Variants in TBC1D1 observed in about 807,000 individuals in gnomAD.
TBC1D1 encodes TBC1 domain family member 1.
In TBC1D1, 89 loss-of-function variants were observed where a neutral mutation model predicts 125.6. The ratio of observed to expected loss-of-function variants is 0.71; its 90% CI spans 0.60 to 0.85. TBC1D1 has a LOEUF of 0.85. TBC1D1 is among the 40% of genes least tolerant of loss of function. The probability of loss-of-function intolerance (pLI) is 0.00; values close to 1 mark genes in which losing one functional copy is unlikely to be tolerated. For synonymous variants in TBC1D1, 565 were observed against 564.1 expected, an observed-to-expected ratio of 1.00 and a Z score of -0.02; for missense variants, 1,377 against 1,469.2, an observed-to-expected ratio of 0.94 and a Z score of 1.03.
chr4:38,004,421 G>C (rs1939069144), intron 2 of TBC1D1, among the ~76,000 whole-genome samples: 1 of 152,126 alleles, frequency 6.6e-6, no homozygotes, highest in Non-Finnish European at 1.5e-5. Context: ...TGCAAAGGTT[G>C]GGATTTATAC....
intron 15 of TBC1D1, among the ~76,000 whole-genome samples, chr4:38,106,591 A>G (rs1761332319): frequency 6.6e-6 from 1 of 152,182 alleles, no homozygotes; most frequent in South Asian, 2.1e-4. Flanking sequence ...GGAGGAATGC[A>G]GACAGCCCCG....
chr4:37,923,650 T>C (rs2152277031), intron 2 of TBC1D1, among the ~76,000 whole-genome samples: 1 of 151,210 alleles, frequency 6.6e-6, no homozygotes, highest in African/African-American at 2.4e-5. Context: ...ACTATTAAAC[T>C]ATTATTCTCC....
At chr4:38,064,478 G>C (rs1753332061) in intron 12 of TBC1D1, among the ~76,000 whole-genome samples, 1 of 152,168 alleles carries the variant, frequency 6.6e-6, no homozygotes, top group South Asian at 2.1e-4. Flanking sequence ...GGCTGAAACG[G>C]AGGCTGCCCT....
In TBC1D1 at chr4:37,977,330, C is replaced by G. The variant is rs1354998785; in HGVS notation, c.418-37179C>G. On this transcript the variant is annotated intron_variant, in intron 2 of 19. Coordinates refer to ENST00000261439, the MANE Select transcript of TBC1D1 (RefSeq NM_015173.4). This position sits in a 1 kb window ranked among gnomAD's most constrained non-coding sequence, Gnocchi z 4.3. ...TGGCCGCCCCGCGGGCGCGACCTCTCGGGGCAGTGACGAACTGGGTGGAGC... is the reference window on the plus strand; with the variant it reads ...TGGCCGCCCCGCGGGCGCGACCTCTGGGGGCAGTGACGAACTGGGTGGAGC... The G allele has an allele frequency of 2.3e-5, 4 of 173,478 alleles. No homozygotes were observed. Among genetic ancestry groups the G allele is most frequent in the African/African-American group, 1.0e-4 (4 of 40,128 alleles). The allele number at this position is 173,478 out of a possible 1,614,324, so 10.7% of individuals were successfully genotyped here.
At chr4:38,122,316 G>A (rs971582643) in intron 17 of TBC1D1, among the ~76,000 whole-genome samples, 25 of 152,198 alleles carry the variant, frequency 1.6e-4, no homozygotes, top group African/African-American at 5.8e-4. Flanking sequence ...CGACTCCTGC[G>A]GTGCTCCAGG....
At chr4:37,891,971 T>A (rs538063027) in intron 1 of TBC1D1, among the ~76,000 whole-genome samples, 1 of 152,258 alleles carries the variant, frequency 6.6e-6, no homozygotes, top group African/African-American at 2.4e-5. Flanking sequence ...TCCACCTAGA[T>A]GTGGCTTTTC....
Position 38,020,693 on chromosome 4 carries a change from C to T in TBC1D1, c.1075C>T (p.Leu359=). The change falls in exon 5 of 20, where the codon CTG becomes TTG. Residue 359 remains leucine, a splice_region_variant and synonymous_variant. Coordinates refer to ENST00000261439, the MANE Select transcript of TBC1D1 (RefSeq NM_015173.4). Reference sequence around the variant, plus strand: ...CGTGTTTCAGTGCACAAATGAGGCTCTGGTGAGAGAGGACAAGCAATTCTT... The same window carrying T: ...CGTGTTTCAGTGCACAAATGAGGCTTTGGTGAGAGAGGACAAGCAATTCTT... The T allele has an allele frequency of 6.2e-7, 1 of 1,611,366 alleles. No homozygotes were observed. Among genetic ancestry groups the T allele is most frequent in the Non-Finnish European group, 8.5e-7 (1 of 1,178,230 alleles).
chr4:37,934,802 T>A (rs1693233847), intron 2 of TBC1D1, among the ~76,000 whole-genome samples: 1 of 152,194 alleles, frequency 6.6e-6, no homozygotes, highest in Admixed American at 6.5e-5. Context: ...AGAGTGGGCG[T>A]GGTTTTGCTG....
intron 2 of TBC1D1, among the ~76,000 whole-genome samples, chr4:37,935,119 A>C (rs1724114559): frequency 6.6e-6 from 1 of 152,230 alleles, no homozygotes; most frequent in African/African-American, 2.4e-5. Context: ...TGACATTAAC[A>C]GGGTGGCAAA....
intron 2 of TBC1D1, chr4:37,952,468 G>C (rs955746483): frequency 5.4e-6 from 1 of 183,628 alleles, no homozygotes; most frequent in Non-Finnish European, 1.2e-5. Flanking sequence ...ACGAGATCAC[G>C]TCCTTTCTAG....
chr4:38,138,101 C>T lies in TBC1D1; in HGVS notation c.*766C>T, dbSNP rs1766925860. 6.6e-6 allele frequency: 1 copy of T among 152,018 alleles called. No homozygotes were observed. Among genetic ancestry groups the T allele is most frequent in the Non-Finnish European group, 1.5e-5 (1 of 68,008 alleles). 9.4% of individuals were successfully genotyped at this position (152,018 alleles called of 1,614,324 possible). Reference sequence around the variant, plus strand: ...GATCACTGTCAAGTGAAATGGATCTCTCTCTTTGGTATTTAAGGAAGTTTG... The same window carrying T: ...GATCACTGTCAAGTGAAATGGATCTTTCTCTTTGGTATTTAAGGAAGTTTG... On this transcript the variant is annotated 3_prime_UTR_variant, in exon 20 of 20. Transcript: ENST00000261439.
intron 2 of TBC1D1, among the ~76,000 whole-genome samples, chr4:37,955,289 C>T (rs532989414): frequency 6.6e-6 from 1 of 152,204 alleles, no homozygotes; most frequent in South Asian, 2.1e-4. Context: ...GAGAGATTCC[C>T]ATGAACTGCA....
chr4:38,119,890 C>T, intron 17 of TBC1D1: 3 of 940,078 alleles, frequency 3.2e-6, no homozygotes, highest in South Asian at 4.9e-5. Flanking sequence ...ATCACTGAGT[C>T]ATCTCTGCCC....
intron 2 of TBC1D1, among the ~76,000 whole-genome samples, chr4:37,956,932 C>G (rs1729050121): frequency 8.1e-6 from 1 of 123,570 alleles, no homozygotes; most frequent in African/African-American, 3.2e-5. Flanking sequence ...GAGCAAGACT[C>G]CGTCTCAAAA....
chr4:38,067,395 C>T (rs1167075384), intron 12 of TBC1D1, among the ~76,000 whole-genome samples: 1 of 152,198 alleles, frequency 6.6e-6, no homozygotes, highest in Non-Finnish European at 1.5e-5. Flanking sequence ...ATGTACACAG[C>T]TGGTGTGGTT....
rs1766936687 is a variant in TBC1D1, at chr4:38,138,187, T to C, written c.*852T>C. 1 of 152,194 alleles carries C rather than the reference T, an allele frequency of 6.6e-6. No homozygotes were observed. The allele number at this position is 152,194 out of a possible 1,614,324, so 9.4% of individuals were successfully genotyped here. The stretch of plus-strand genomic sequence containing the variant: ...TTGCTTATCCCATAAGTACAGTTGA[T>C]CAAAGTCATAGTAGGTAAATGCTTT... On this transcript the variant is annotated 3_prime_UTR_variant, in exon 20 of 20. Transcript: ENST00000261439.
rs144818837 is a variant in TBC1D1, at chr4:38,061,290, C to CA, written c.2050+6962dup. On this transcript the variant is annotated intron_variant, in intron 12 of 19. Transcript: ENST00000261439. The stretch of plus-strand genomic sequence containing the variant: ...GGCTCTAACCTAATTGTCAAGCCTA[C>CA]AAAAAAAAAATGCTGAAAATCAACT... Among the ~76,000 whole-genome samples, 113 of 145,152 alleles carry CA rather than the reference C, an allele frequency of 7.8e-4. 1 individual carries two copies. The highest frequency in any genetic ancestry group is 3.5e-3 in the Middle Eastern group (1 of 286).
chr4:38,065,110 T>C (rs1164524921), intron 12 of TBC1D1, among the ~76,000 whole-genome samples: 2 of 152,112 alleles, frequency 1.3e-5, no homozygotes, highest in Admixed American at 6.5e-5. Context: ...TTTTTATTTT[T>C]ATTTTTTAAT....
chr4:38,018,333 T>C, intron 3 of TBC1D1, 21 bp from the exon 4 acceptor site: 1 of 1,573,600 alleles, frequency 6.4e-7, no homozygotes, highest in Non-Finnish European at 8.7e-7. Flanking sequence ...AAAAGCTAGA[T>C]TTTTTTGTTT....
Sources: gnomAD v4.1 joint callset for allele counts (sites outside exome capture counted in the v4.1 genomes callset) on GRCh38, gnomAD v4.1.1 for gene constraint, Gnocchi (gnomAD v3.1) non-coding constraint, MANE v1.5 for transcripts, NCBI Gene and HGNC (gene_info 2026-07-23, HGNC 2026-07-21) for gene names.